ADAMTS6: variants seen among roughly 807,000 people sequenced by gnomAD.
ADAMTS6 encodes A disintegrin and metalloproteinase with thrombospondin motifs 6.
A neutral mutation model predicts 144.3 loss-of-function variants in ADAMTS6; 23 were observed. The ratio of observed to expected loss-of-function variants is 0.16; its 90% CI spans 0.11 to 0.23. The LOEUF is 0.23. Ranked by LOEUF, ADAMTS6 falls within the 10% of genes least tolerant of loss-of-function variation. The pLI is 1.00. For synonymous variants in ADAMTS6, 444 were observed against 457.5 expected (o/e 0.97, Z 0.38); for missense variants, 999 against 1,379.6 (o/e 0.72, Z 4.37).
chr5:65,262,512 A>T (rs1253997213), intron 13 of ADAMTS6, among the ~76,000 whole-genome samples: 1 of 152,230 alleles, frequency 6.6e-6, no homozygotes, highest in Non-Finnish European at 1.5e-5. Context: ...GGATTCATCC[A>T]TAATTCAGTA....
chr5:65,394,637 A>T (rs1753193213), intron 7 of ADAMTS6, among the ~76,000 whole-genome samples: 1 of 152,206 alleles, frequency 6.6e-6, no homozygotes, highest in South Asian at 2.1e-4. Flanking sequence ...CTTAATTCTC[A>T]TTCAAGTTTC....
At chr5:65,184,843 T>G (rs1183389495) in intron 22 of ADAMTS6, among the ~76,000 whole-genome samples, 1 of 152,138 alleles carries the variant, frequency 6.6e-6, no homozygotes, top group Non-Finnish European at 1.5e-5. Context: ...TGGGTGGGTT[T>G]CACTGACGCT....
At chr5:65,326,153 G>A (rs1746152076) in intron 9 of ADAMTS6, among the ~76,000 whole-genome samples, 1 of 151,524 alleles carries the variant, frequency 6.6e-6, no homozygotes, top group African/African-American at 2.4e-5. Flanking sequence ...GTACAGTTTA[G>A]ATACACTAGA....
intron 7 of ADAMTS6, among the ~76,000 whole-genome samples, chr5:65,445,750 T>C (rs974771473): frequency 1.7e-4 from 26 of 151,760 alleles, no homozygotes; most frequent in African/African-American, 6.3e-4. Flanking sequence ...CACTTCTGAG[T>C]AAGAAACCAA....
At chr5:65,215,004 T>C (rs983523935) in intron 19 of ADAMTS6, 72 bp from the exon 20 acceptor site, 7 of 1,515,002 alleles carry the variant, frequency 4.6e-6, no homozygotes, top group Admixed American at 4.4e-5. Flanking sequence ...ATTATTCCTT[T>C]TGAAGAAGAA....
At chr5:65,260,268 A>T (rs1761060440) in intron 14 of ADAMTS6, among the ~76,000 whole-genome samples, 1 of 149,110 alleles carries the variant, frequency 6.7e-6, no homozygotes, top group South Asian at 2.1e-4. Flanking sequence ...AAAATGGAAT[A>T]AAGGGCATAA....
intron 7 of ADAMTS6, among the ~76,000 whole-genome samples, chr5:65,379,426 T>A (rs1751840967): frequency 6.6e-6 from 1 of 152,198 alleles, no homozygotes; most frequent in African/African-American, 2.4e-5. Flanking sequence ...AGGGCTCTCA[T>A]GAGATGTACA....
intron 24 of ADAMTS6, among the ~76,000 whole-genome samples, chr5:65,164,078 G>C (rs142582006): frequency 6.6e-6 from 1 of 152,174 alleles, no homozygotes; most frequent in Non-Finnish European, 1.5e-5. Flanking sequence ...CAGCGTGAGC[G>C]ACGCAGAAGA....
At position 65,188,083 on chromosome 5, in the gene ADAMTS6, G is replaced by T; in HGVS notation, c.2843C>A (p.Pro948His). 1 of 1,614,092 alleles carries T rather than the reference G, an allele frequency of 6.2e-7. No individual in the cohort carries two copies. Among genetic ancestry groups the T allele is most frequent in the Non-Finnish European group, 8.5e-7 (1 of 1,179,990 alleles). ...LDYSGCLTHRPVEKEPCNNQS... is the reference protein window; with the variant it reads ...LDYSGCLTHRHVEKEPCNNQS... ...GTTGTTGCAGGGCTCTTTTTCGACA[G>T]GCCGGTGTGTTAAACAACCACTGTA... The change falls in exon 22 of 25, where the codon CCT (proline) becomes CAT (histidine). Residue 948 changes from proline to histidine, a missense_variant. Pro to His is a moderately conservative substitution (Grantham distance 77, BLOSUM62 -2). Coordinates refer to ENST00000381055, the MANE Select transcript of ADAMTS6 (RefSeq NM_197941.4).
intron 11 of ADAMTS6, among the ~76,000 whole-genome samples, chr5:65,275,420 G>GA (rs1161919705): frequency 2.2e-4 from 30 of 135,570 alleles, no homozygotes; most frequent in Admixed American, 6.8e-4. Context: ...AGAAAGAAAA[G>GA]AAAGAAAGAA....
At chr5:65,462,695 AC>A (rs1468228369) in intron 3 of ADAMTS6, among the ~76,000 whole-genome samples, 1 of 152,176 alleles carries the variant, frequency 6.6e-6, no homozygotes, top group African/African-American at 2.4e-5. Flanking sequence ...AGTGCCTATC[AC>A]AAGGCAGATA....
At chr5:65,174,020 C>CA (rs33956781) in intron 22 of ADAMTS6, among the ~76,000 whole-genome samples, 9,150 of 141,444 alleles carry the variant, frequency 0.065, 879 homozygotes, top group African/African-American at 0.21. Context: ...GATTCTGTCT[C>CA]AAAAAAAAAA....
intron 14 of ADAMTS6, chr5:65,251,848 A>G (rs1760192407): frequency 6.6e-6 from 1 of 152,146 alleles, no homozygotes; most frequent in African/African-American, 2.4e-5. Flanking sequence ...TGCTTCTTCT[A>G]TCTCTGTGGA....
Position 65,302,574 on chromosome 5 carries a change from C to A in ADAMTS6, c.1224-2443G>T, listed in dbSNP as rs1298148455. 3.3e-5 allele frequency among the ~76,000 whole-genome samples: 5 copies of A among 151,924 alleles called. No individual in the cohort carries two copies. The East Asian group carries it at 9.6e-4, about 29-fold the overall frequency. On this transcript the variant is annotated intron_variant, in intron 9 of 24. Transcript: ENST00000381055. The stretch of plus-strand genomic sequence containing the variant: ...ATTTGGTATTCTAGTCTGACCTCAA[C>A]ACAGTGGAGTAAGTCTCTTTGAATG...
intron 14 of ADAMTS6, among the ~76,000 whole-genome samples, chr5:65,259,265 C>T (rs753450230): frequency 6.6e-6 from 1 of 151,738 alleles, no homozygotes; most frequent in Non-Finnish European, 1.5e-5. Context: ...TACAGCTACT[C>T]GGGAGGCCAA....
chr5:65,409,912 A>G (rs139625393), intron 7 of ADAMTS6, among the ~76,000 whole-genome samples: 6 of 152,336 alleles, frequency 3.9e-5, no homozygotes, highest in Non-Finnish European at 7.4e-5. Flanking sequence ...GATTATCTCA[A>G]TAGATGCAGA....
intron 18 of ADAMTS6, among the ~76,000 whole-genome samples, chr5:65,217,715 G>A (rs1252555017): frequency 6.6e-6 from 1 of 152,052 alleles, no homozygotes; most frequent in Non-Finnish European, 1.5e-5. Context: ...ATTTTTAAAA[G>A]CTTTAAGAGA....
intron 20 of ADAMTS6, among the ~76,000 whole-genome samples, chr5:65,203,172 T>C (rs1417684377): frequency 2.6e-5 from 4 of 152,196 alleles, no homozygotes; most frequent in African/African-American, 9.7e-5. Flanking sequence ...GGCAGAATAC[T>C]AACTAGAAAT....
At chr5:65,475,226 AC>A (rs956043912) in intron 1 of ADAMTS6, among the ~76,000 whole-genome samples, 10 of 152,228 alleles carry the variant, frequency 6.6e-5, no homozygotes, top group Non-Finnish European at 4.4e-5. Context: ...TATGTGAAAC[AC>A]TTCATTCCCT....
Sources: allele counts gnomAD v4.1 joint callset (sites outside exome capture counted in the v4.1 genomes callset), GRCh38; gene constraint gnomAD v4.1.1; transcripts MANE v1.5; gene names NCBI Gene and HGNC (gene_info 2026-07-23, HGNC 2026-07-21).